GPM6A: variants seen among roughly 807,000 people sequenced by gnomAD.
GPM6A encodes the protein glycoprotein M6A, also known as neuronal membrane glycoprotein M6-a.
Under a neutral mutation model 32.1 loss-of-function variants are expected in GPM6A, and 7 were observed. The ratio of observed to expected loss-of-function variants is 0.22; its 90% CI spans 0.12 to 0.41. The LOEUF (loss-of-function observed/expected upper bound fraction) is 0.41. GPM6A is among the 10% of genes least tolerant of loss of function. The pLI, the probability that GPM6A is intolerant of heterozygous loss-of-function variation, is 1.00. For synonymous variants in GPM6A, 130 were observed against 123.4 expected, an observed-to-expected ratio of 1.05 and a Z score of -0.35; for missense variants, 235 against 347.2, an observed-to-expected ratio of 0.68 and a Z score of 2.57.
chr4:175,680,648 G>A (rs1326284025), intron 2 of GPM6A, among the ~76,000 whole-genome samples: 1 of 152,096 alleles, frequency 6.6e-6, no homozygotes, highest in African/African-American at 2.4e-5. Flanking sequence ...GCTTCTTAAA[G>A]TCAAATCTAT....
At chr4:175,891,059 A>C (rs745404339) in intron 1 of GPM6A, among the ~76,000 whole-genome samples, 11 of 152,162 alleles carry the variant, frequency 7.2e-5, no homozygotes, top group Non-Finnish European at 1.2e-4. Flanking sequence ...TCTGGCCTGG[A>C]ACTCACCTTT....
chr4:175,937,901 G>C (rs2126332840), intron 1 of GPM6A, among the ~76,000 whole-genome samples: 1 of 152,148 alleles, frequency 6.6e-6, no homozygotes, highest in South Asian at 2.1e-4. Flanking sequence ...GTGCCACTTA[G>C]ATCAAAAGCT....
intron 4 of GPM6A, among the ~76,000 whole-genome samples, chr4:175,648,850 C>G (rs1388958647): frequency 6.6e-6 from 1 of 152,218 alleles, no homozygotes; most frequent in Non-Finnish European, 1.5e-5. Context: ...CTGGGCCCAT[C>G]TGGCTAATCC....
chr4:175,679,249 G>A lies in GPM6A; in HGVS notation c.231-5413C>T, dbSNP rs116470462. Among the ~76,000 whole-genome samples, 1,211 of 152,080 alleles carry A rather than the reference G, an allele frequency of 8.0e-3. 19 individuals carry two copies. The highest frequency in any genetic ancestry group is 0.028 in the African/African-American group (1,146 of 41,514). Reference sequence around the variant, plus strand: ...TAACTCTATTCTGCCCTTTTTGAACGGAATGTTCCTTTTGAGTTTGTCTGA... The same window carrying A: ...TAACTCTATTCTGCCCTTTTTGAACAGAATGTTCCTTTTGAGTTTGTCTGA... On this transcript the variant is annotated intron_variant, in intron 2 of 6. Coordinates refer to ENST00000393658, the MANE Select transcript of GPM6A (RefSeq NM_201591.3).
chr4:175,669,986 G>A (rs1742962332), intron 3 of GPM6A, among the ~76,000 whole-genome samples: 3 of 151,412 alleles, frequency 2.0e-5, no homozygotes, highest in Admixed American at 2.0e-4. Context: ...GGAACCGGGT[G>A]TTCTTTACAG....
At chr4:176,001,455 G>C (rs888457948) in intron 1 of GPM6A, among the ~76,000 whole-genome samples, 12 of 152,292 alleles carry the variant, frequency 7.9e-5, no homozygotes, top group Non-Finnish European at 1.6e-4. Flanking sequence ...GGTGACTCGT[G>C]GGACCCTGCG....
intron 1 of GPM6A, among the ~76,000 whole-genome samples, chr4:175,899,696 C>T (rs1469160330): frequency 6.6e-6 from 1 of 152,070 alleles, no homozygotes; most frequent in South Asian, 2.1e-4. Flanking sequence ...ACACCCCTAT[C>T]TCTCGCCATA....
intron 1 of GPM6A, among the ~76,000 whole-genome samples, chr4:175,981,298 T>G (rs1740808933): frequency 6.6e-6 from 1 of 152,178 alleles, no homozygotes; most frequent in Non-Finnish European, 1.5e-5. Flanking sequence ...CTCATCCTTT[T>G]TAGAATAAAA....
At chr4:175,937,633 A>C (rs1163997000) in intron 1 of GPM6A, among the ~76,000 whole-genome samples, 5 of 152,166 alleles carry the variant, frequency 3.3e-5, no homozygotes, top group Admixed American at 1.3e-4. Context: ...AACAGTGATC[A>C]CCTATGGGTT....
chr4:175,922,601 G>A (rs1385214023), intron 1 of GPM6A, among the ~76,000 whole-genome samples: 1 of 152,162 alleles, frequency 6.6e-6, no homozygotes, highest in Non-Finnish European at 1.5e-5. Context: ...CTTTTCCAAG[G>A]TGGTATAATG....
At chr4:175,778,786 A>G (rs927308890) in intron 1 of GPM6A, among the ~76,000 whole-genome samples, 1 of 150,526 alleles carries the variant, frequency 6.6e-6, no homozygotes, top group African/African-American at 2.4e-5. Flanking sequence ...TATCTCCTTA[A>G]TAACATGTAT....
intron 2 of GPM6A, among the ~76,000 whole-genome samples, chr4:175,689,448 T>G (rs1038619147): frequency 3.3e-5 from 3 of 92,050 alleles, no homozygotes; most frequent in Non-Finnish European, 8.7e-5. Flanking sequence ...TTTATAGCGT[T>G]TTTTTTTTTC....
At chr4:175,902,494 C>T (rs1737998040) in intron 1 of GPM6A, among the ~76,000 whole-genome samples, 1 of 152,142 alleles carries the variant, frequency 6.6e-6, no homozygotes, top group Non-Finnish European at 1.5e-5. Flanking sequence ...AACATGCAGG[C>T]TCCATCTTTC....
chr4:175,942,147 T>A (rs1003096495), intron 1 of GPM6A, among the ~76,000 whole-genome samples: 7 of 152,180 alleles, frequency 4.6e-5, no homozygotes, highest in Admixed American at 6.5e-5. Context: ...TGAGCTTTTT[T>A]AAATATGTTT....
intron 1 of GPM6A, among the ~76,000 whole-genome samples, chr4:175,889,621 G>A (rs1737572432): frequency 6.6e-6 from 1 of 152,014 alleles, no homozygotes; most frequent in Non-Finnish European, 1.5e-5. Context: ...TGAGGCCATT[G>A]GCTAACCCGG....
intron 3 of GPM6A, among the ~76,000 whole-genome samples, chr4:175,653,505 C>A (rs1403421142): frequency 6.6e-6 from 1 of 152,076 alleles, no homozygotes; most frequent in Non-Finnish European, 1.5e-5. Context: ...CTTTATACAT[C>A]TAAGATGAAA....
In GPM6A at chr4:175,633,610, A is replaced by C. The variant is rs554308074; in HGVS notation, c.*1295T>G. 6.6e-6 allele frequency: 1 copy of C among 152,666 alleles called. No homozygotes were observed. The highest frequency in any genetic ancestry group is 2.4e-5 in the African/African-American group (1 of 41,582). The allele number at this position is 152,666 out of a possible 1,614,324, so 9.5% of individuals were successfully genotyped here. A position where few individuals can be genotyped will look rare whatever the true frequency, so the allele number is the denominator to read the frequency against. The stretch of plus-strand genomic sequence containing the variant: ...TTTACAGCATTCTTGTAGCATTAGA[A>C]ATAATGAAAAGAAGAGCGTCAAGGT... On this transcript the variant is annotated 3_prime_UTR_variant, in exon 7 of 7. Coordinates refer to ENST00000393658, the MANE Select transcript of GPM6A (RefSeq NM_201591.3).
chr4:175,692,407 G>T (rs1366904430), intron 2 of GPM6A, among the ~76,000 whole-genome samples: 3 of 152,034 alleles, frequency 2.0e-5, no homozygotes, highest in African/African-American at 7.2e-5. Context: ...AAATTGATAG[G>T]TTATAAATAA....
chr4:175,861,960 A>G (rs1436048488), intron 1 of GPM6A, among the ~76,000 whole-genome samples: 1 of 151,592 alleles, frequency 6.6e-6, no homozygotes, highest in Non-Finnish European at 1.5e-5. Context: ...ATAAAAAAGT[A>G]TTAAATATTC....
Sources: allele counts gnomAD v4.1 joint callset (sites outside exome capture counted in the v4.1 genomes callset), GRCh38; gene constraint gnomAD v4.1.1; transcripts MANE v1.5; gene names NCBI Gene and HGNC (gene_info 2026-07-23, HGNC 2026-07-21).